Variants in ZNF652 observed in about 807,000 individuals in gnomAD.
ZNF652 encodes the protein zinc finger protein 652.
A neutral mutation model predicts 45.2 loss-of-function variants in ZNF652; 16 were observed. That is an observed-to-expected ratio of 0.35 (90% CI 0.24 to 0.54). ZNF652 has a LOEUF of 0.54. ZNF652 is among the 20% of genes least tolerant of loss of function. ZNF652 has a pLI of 0.91. For missense variants in ZNF652, 614 were observed against 765.6 expected (o/e 0.80, Z 2.34); for synonymous variants, 250 against 260.6 (o/e 0.96, Z 0.39).
At chr17:49,345,906 T>C (rs769982181) in intron 1 of ZNF652, among the ~76,000 whole-genome samples, 1 of 150,688 alleles carries the variant, frequency 6.6e-6, no homozygotes, top group African/African-American at 2.4e-5. Flanking sequence ...ATCATTTAGA[T>C]GCGAAGTGTT....
rs930290762 is a variant in ZNF652 at position 49,344,101 on chromosome 17, T to C, written c.-259+17808A>G. Among the ~76,000 whole-genome samples the C allele has an allele frequency of 2.1e-4, 32 of 151,924 alleles. 1 individual carries two copies. Among genetic ancestry groups the C allele is most frequent in the South Asian group, 4.2e-4 (2 of 4,816 alleles). ...CTGTAGTCCCAGCTACTCAGGAGGCTAAGGCAGGAGAATGGCATGAACCCG... is the reference window on the plus strand; with the variant it reads ...CTGTAGTCCCAGCTACTCAGGAGGCCAAGGCAGGAGAATGGCATGAACCCG... On this transcript the variant is annotated intron_variant, in intron 1 of 5. Coordinates refer to ENST00000430262, the MANE Select transcript of ZNF652 (RefSeq NM_001145365.3).
chr17:49,359,638 C>G (rs1345775261), intron 1 of ZNF652, among the ~76,000 whole-genome samples: 3 of 152,122 alleles, frequency 2.0e-5, no homozygotes, highest in African/African-American at 7.2e-5. Context: ...GCAATACGAC[C>G]GAAAGGCAAA....
chr17:49,349,948 T>A (rs1421682780), intron 1 of ZNF652, among the ~76,000 whole-genome samples: 10 of 152,186 alleles, frequency 6.6e-5, no homozygotes. Context: ...AGTATATATA[T>A]GTGTACAATC....
intron 5 of ZNF652, among the ~76,000 whole-genome samples, chr17:49,308,171 T>C (rs908990521): frequency 6.6e-6 from 1 of 152,166 alleles, no homozygotes; most frequent in African/African-American, 2.4e-5. Context: ...AAGTATGTGT[T>C]ACTCTTTTTT....
Position 49,298,302 on chromosome 17 carries a change from T to C in ZNF652, c.*111A>G, listed in dbSNP as rs1258968569. 7.3e-7 allele frequency: 1 copy of C among 1,375,590 alleles called. No individual in the cohort carries two copies. The highest frequency in any genetic ancestry group is 1.4e-5 in the African/African-American group (1 of 69,358). 85.2% of individuals were successfully genotyped at this position (1,375,590 alleles called of 1,614,324 possible). A position where few individuals can be genotyped will look rare whatever the true frequency, so the allele number is the denominator to read the frequency against. ...TGATTCAGTGACACTGGCGAAGCTC[T>C]TGGTAGAGGCGGAGGAGAGTCTGAG... is the stretch of plus-strand genomic sequence containing the variant. On this transcript the variant is annotated 3_prime_UTR_variant, in exon 6 of 6. Coordinates refer to ENST00000430262, the MANE Select transcript of ZNF652 (RefSeq NM_001145365.3).
intron 5 of ZNF652, 59 bp from the exon 6 acceptor site, chr17:49,298,983 G>A: frequency 6.7e-7 from 1 of 1,490,310 alleles, no homozygotes; most frequent in Non-Finnish European, 8.9e-7. Context: ...GTGTGCTCAA[G>A]CTTTTTTTTT....
intron 1 of ZNF652, among the ~76,000 whole-genome samples, chr17:49,336,965 T>TTA (rs66568404): frequency 0.035 from 4,021 of 114,560 alleles, 189 homozygotes; most frequent in African/African-American, 0.09. Flanking sequence ...TTTTTTTTTT[T>TTA]AAGTATGTAA....
rs1379194207 is a variant in ZNF652, at chr17:49,290,445, A to T, written c.*7968T>A. 1.3e-5 allele frequency: 2 copies of T among 152,204 alleles called. No homozygotes were observed. The highest frequency in any genetic ancestry group is 2.4e-5 in the African/African-American group (1 of 41,448). The allele number at this position is 152,204 out of a possible 1,614,324, so 9.4% of individuals were successfully genotyped here. ...TGCACTGGTCAGGAGGAAGTGCCTGACCTAGAGGACTTGTTCCCTGATGTA... is the reference window on the plus strand; with the variant it reads ...TGCACTGGTCAGGAGGAAGTGCCTGTCCTAGAGGACTTGTTCCCTGATGTA... On this transcript the variant is annotated 3_prime_UTR_variant, in exon 6 of 6. Coordinates refer to ENST00000430262, the MANE Select transcript of ZNF652 (RefSeq NM_001145365.3).
At chr17:49,318,406 C>T (rs145853470) in intron 1 of ZNF652, among the ~76,000 whole-genome samples, 25 of 152,112 alleles carry the variant, frequency 1.6e-4, no homozygotes, top group African/African-American at 5.6e-4. Flanking sequence ...ATATACAATG[C>T]TTTTAACTGC....
chr17:49,311,930 G>A lies in ZNF652; in HGVS notation c.1161C>T (p.Cys387=), dbSNP rs765007844. The A allele has an allele frequency of 2.0e-5, 32 of 1,610,800 alleles. No homozygotes were observed. The highest frequency in any genetic ancestry group is 5.3e-5 in the African/African-American group (4 of 74,870). The change falls in exon 4 of 6, where the codon TGC becomes TGT. Residue 387 remains cysteine, a synonymous_variant. Coordinates refer to ENST00000430262, the MANE Select transcript of ZNF652 (RefSeq NM_001145365.3). ...CTGTAGGTAGCACATTCCTTACCTC[G>A]CATCTAAAGGGCTTCTCTCCAGAAT... ...LQHSGEKPFR[C]ENCDERFQYK... is the part of the protein sequence containing the mutation.
chr17:49,318,571 AT>A (rs1014213574), intron 1 of ZNF652, among the ~76,000 whole-genome samples: 1 of 152,232 alleles, frequency 6.6e-6, no homozygotes, highest in African/African-American at 2.4e-5. Context: ...TACAGTATAT[AT>A]TTGATGAATA....
At chr17:49,329,349 GT>G (rs1246122754) in intron 1 of ZNF652, among the ~76,000 whole-genome samples, 1 of 152,168 alleles carries the variant, frequency 6.6e-6, no homozygotes, top group Non-Finnish European at 1.5e-5. Flanking sequence ...ATTGAAAAGG[GT>G]TTTGTTATTA....
At chr17:49,308,145 T>C (rs774873241) in intron 5 of ZNF652, among the ~76,000 whole-genome samples, 10 of 152,160 alleles carry the variant, frequency 6.6e-5, no homozygotes, top group African/African-American at 9.7e-5. Flanking sequence ...TTTCATAGTT[T>C]CCCATATATT....
rs2069718013 is a variant in ZNF652 at position 49,311,932 on chromosome 17, A to G, written c.1159T>C (p.Cys387Arg). ...GTAGGTAGCACATTCCTTACCTCGC[A>G]TCTAAAGGGCTTCTCTCCAGAATGC... ...LQHSGEKPFR[C>R]ENCDERFQYK... Residue 387 changes from cysteine (C) to arginine (R), a missense_variant, in exon 4 of 6, where the codon TGC becomes CGC. This residue lies in a region of ZNF652 where 81 missense variants were observed against 167.0 expected (regional missense o/e 0.48). Transcript: ENST00000430262. 6.2e-7 allele frequency: 1 copy of G among 1,612,582 alleles called. No individual in the cohort carries two copies. The highest frequency in any genetic ancestry group is 1.7e-5 in the Admixed American group (1 of 59,904).
chr17:49,339,196 A>ATTT (rs766243923), intron 1 of ZNF652, among the ~76,000 whole-genome samples: 2,449 of 101,300 alleles, frequency 0.024, 70 homozygotes, highest in Non-Finnish European at 0.034. Context: ...TGAGTTAGGA[A>ATTT]ATTTTTTTTT....
In ZNF652 at chr17:49,317,162, T is replaced by C. The variant is rs1001499268; in HGVS notation, c.564A>G (p.Thr188=). 6.2e-7 allele frequency: 1 copy of C among 1,614,036 alleles called. No homozygotes were observed. The highest frequency in any genetic ancestry group is 8.5e-7 in the Non-Finnish European group (1 of 1,180,036). Residue 188 remains threonine (T), a synonymous_variant, in exon 2 of 6, where the codon ACA becomes ACG. Coordinates refer to ENST00000430262, the MANE Select transcript of ZNF652 (RefSeq NM_001145365.3). ...KEKIVEKVSV[T]QRRTRRAASV... ...AGGCAGCTCTCCTGGTTCTCCTTTG[T>C]GTAACGCTGACTTTCTCTACTATCT... is the stretch of plus-strand genomic sequence containing the variant.
At chr17:49,310,104 C>G (rs533008735) in intron 5 of ZNF652, among the ~76,000 whole-genome samples, 1 of 152,188 alleles carries the variant, frequency 6.6e-6, no homozygotes, top group Non-Finnish European at 1.5e-5. Flanking sequence ...CAGGCGCCCA[C>G]CACCATGCCC....
rs1436719377 is a variant in ZNF652 at position 49,317,038 on chromosome 17, GCTC to G, written c.685_687del (p.Glu229del). ...TTAGCTTTCTGGACTGGTGCTTTGG[GCTC>G]CTTTGTGGCCCGCTTCTTACGCTTA... On this transcript the variant is annotated inframe_deletion, in exon 2 of 6. Transcript: ENST00000430262. The G allele has an allele frequency of 6.2e-7, 1 of 1,613,904 alleles. No individual in the cohort carries two copies. The highest frequency in any genetic ancestry group is 1.7e-5 in the Admixed American group (1 of 59,972).
intron 1 of ZNF652, among the ~76,000 whole-genome samples, chr17:49,323,974 T>A (rs1030753508): frequency 1.3e-5 from 2 of 152,162 alleles, no homozygotes; most frequent in Non-Finnish European, 2.9e-5. Context: ...CACCTTCGAG[T>A]CACCAGCTAC....
Sources: allele counts gnomAD v4.1 joint callset (sites outside exome capture counted in the v4.1 genomes callset), GRCh38; gene constraint gnomAD v4.1.1; regional missense constraint gnomAD v4.1.1; transcripts MANE v1.5; gene names NCBI Gene and HGNC (gene_info 2026-07-23, HGNC 2026-07-21).